NRXN3: variants seen among roughly 807,000 people sequenced by gnomAD.
NRXN3 encodes neurexin III.
NRXN3 carries 32 observed loss-of-function variants against 137.6 expected under a neutral mutation model. The observed-to-expected ratio is 0.23, with a 90% CI of 0.18 to 0.31. The LOEUF (loss-of-function observed/expected upper bound fraction) is 0.31. NRXN3 is among the 10% of genes least tolerant of loss of function. NRXN3 has a pLI of 1.00. For missense variants in NRXN3, 1,574 were observed against 2,062.5 expected (o/e 0.76, Z 4.59); for synonymous variants, 798 against 784.5 (o/e 1.02, Z -0.29).
chr14:78,507,882 T>A (rs10483905), intron 4 of NRXN3, among the ~76,000 whole-genome samples: 7 of 152,014 alleles, frequency 4.6e-5, no homozygotes, highest in African/African-American at 1.7e-4. Flanking sequence ...TGCCTATCAC[T>A]GGCTTTTGAA....
At chr14:78,236,086 A>G (rs993429361) in intron 1 of NRXN3, among the ~76,000 whole-genome samples, 2 of 152,238 alleles carry the variant, frequency 1.3e-5, no homozygotes, top group African/African-American at 4.8e-5. Flanking sequence ...ATAGATTAAC[A>G]TATATATGTA....
At chr14:79,552,107 T>C (rs2097378865) in intron 16 of NRXN3, among the ~76,000 whole-genome samples, 1 of 152,198 alleles carries the variant, frequency 6.6e-6, no homozygotes, top group Non-Finnish European at 1.5e-5. Flanking sequence ...AGTGCATGTA[T>C]TTACAAATAC....
At chr14:78,722,581 T>C (rs926015581) in intron 8 of NRXN3, among the ~76,000 whole-genome samples, 1 of 152,130 alleles carries the variant, frequency 6.6e-6, no homozygotes, top group African/African-American at 2.4e-5. Context: ...ACCTACTATT[T>C]ATTGAAAAAA....
chr14:79,333,048 AG>A (rs2091908067), intron 15 of NRXN3, among the ~76,000 whole-genome samples: 1 of 151,994 alleles, frequency 6.6e-6, no homozygotes, highest in South Asian at 2.1e-4. Context: ...CTGTGTGCAA[AG>A]CTCCAATCCC....
chr14:79,353,228 G>T (rs1386938350), intron 15 of NRXN3, among the ~76,000 whole-genome samples: 2 of 151,666 alleles, frequency 1.3e-5, no homozygotes, highest in Non-Finnish European at 2.9e-5. Flanking sequence ...AGCAGGTTAA[G>T]CACTTTTGAT....
intron 14 of NRXN3, among the ~76,000 whole-genome samples, chr14:78,968,676 G>T (rs1319244524): frequency 1.3e-5 from 2 of 152,196 alleles, no homozygotes; most frequent in Non-Finnish European, 2.9e-5. Flanking sequence ...AACAGCACTG[G>T]AGACTTTTAT....
intron 16 of NRXN3, among the ~76,000 whole-genome samples, chr14:79,539,351 C>T (rs138226809): frequency 1.3e-5 from 2 of 152,126 alleles, no homozygotes; most frequent in Non-Finnish European, 1.5e-5. Flanking sequence ...AGCATTCTTG[C>T]TCCAGAATTC....
intron 15 of NRXN3, among the ~76,000 whole-genome samples, chr14:79,265,488 A>G (rs557558592): frequency 1.3e-5 from 2 of 152,142 alleles, no homozygotes; most frequent in African/African-American, 4.8e-5. Context: ...GAAGATTTAC[A>G]TATTGCTGGA....
chr14:79,485,178 A>G (rs1046312504), intron 16 of NRXN3, among the ~76,000 whole-genome samples: 1 of 152,104 alleles, frequency 6.6e-6, no homozygotes, highest in Non-Finnish European at 1.5e-5. Flanking sequence ...TCAGAGATGC[A>G]TTTAAGAGCT....
rs527831462 is a variant in NRXN3 at position 79,804,342 on chromosome 14, AG to A, written c.4015-769del. ...CTACTGTATGGAGGGCTCTTCTCAC[AG>A]CTGATACTCAGTCTCCTATATTTCT... is the stretch of plus-strand genomic sequence containing the variant. On this transcript the variant is annotated intron_variant, in intron 19 of 20. Transcript: ENST00000335750. Among the ~76,000 whole-genome samples the A allele has an allele frequency of 6.6e-5, 10 of 152,248 alleles. No individual in the cohort carries two copies. The South Asian group carries it at 2.1e-3, about 32-fold the overall frequency.
At chr14:79,109,850 C>T (rs184595537) in intron 15 of NRXN3, among the ~76,000 whole-genome samples, 75 of 152,164 alleles carry the variant, frequency 4.9e-4, no homozygotes, top group African/African-American at 1.7e-3. Context: ...CCAGTACCTA[C>T]AATAAAGCAC....
intron 15 of NRXN3, among the ~76,000 whole-genome samples, chr14:79,269,531 C>T (rs533269939): frequency 3.3e-5 from 5 of 152,006 alleles, no homozygotes; most frequent in Non-Finnish European, 5.9e-5. Context: ...TTTTTCTTAC[C>T]GGCGACTGAG....
intron 19 of NRXN3, among the ~76,000 whole-genome samples, chr14:79,710,623 TATGAGGGC>T (rs1402634119): frequency 7.2e-5 from 11 of 152,244 alleles, no homozygotes; most frequent in Admixed American, 3.3e-4. Context: ...CAGTCCAGTT[TATGAGGGC>T]ATGAGATATA....
Position 78,953,308 on chromosome 14 carries a change from C to T in NRXN3, c.2276-3934C>T, listed in dbSNP as rs566001609. Among the ~76,000 whole-genome samples, 26 of 152,224 alleles carry T rather than the reference C, an allele frequency of 1.7e-4. No individual in the cohort carries two copies. The South Asian group carries it at 5.4e-3, about 32-fold the overall frequency. On this transcript the variant is annotated intron_variant, in intron 10 of 20. Transcript: ENST00000335750. ...ATTTCCTAATATTGCTGTTTGATTT[C>T]ATTATTGGTTCTGGCTTCTTAAAGA...
rs1171776817 is a variant in NRXN3, at chr14:79,539,911, C to T, written c.3444+72509C>T. On this transcript the variant is annotated intron_variant, in intron 16 of 20. Coordinates refer to ENST00000335750, the MANE Select transcript of NRXN3 (RefSeq NM_001330195.2). Reference sequence around the variant, plus strand: ...CCTGAGATCCAGGTATTCCTCTTTACCTCGTCGTCTTGCTATTTTTTCTAG... The same window carrying T: ...CCTGAGATCCAGGTATTCCTCTTTATCTCGTCGTCTTGCTATTTTTTCTAG... 2.0e-5 allele frequency among the ~76,000 whole-genome samples: 3 copies of T among 152,086 alleles called. No homozygotes were observed. The East Asian group carries it at 5.8e-4, about 29-fold the overall frequency.
At position 79,853,872 on chromosome 14, in the gene NRXN3, GT is replaced by G. The variant is rs912630645; in HGVS notation, c.4094-7463del. Reference sequence around the variant, plus strand: ...AAAGGCAAATTATAAAAGTAAACAGGTTTTTTTGTTTGGTTTTTCAATCATA... The same window carrying G: ...AAAGGCAAATTATAAAAGTAAACAGGTTTTTTGTTTGGTTTTTCAATCATA... On this transcript the variant is annotated intron_variant, in intron 20 of 20. Coordinates refer to ENST00000335750, the MANE Select transcript of NRXN3 (RefSeq NM_001330195.2). 73 of 986,554 alleles carry G rather than the reference GT, an allele frequency of 7.4e-5. No homozygotes were observed. In the African/African-American group the frequency reaches 1.2e-3, roughly 17 times the overall value. The allele number at this position is 986,554 out of a possible 1,614,324, so 61.1% of individuals were successfully genotyped here.
intron 15 of NRXN3, among the ~76,000 whole-genome samples, chr14:79,007,606 C>G (rs1054249265): frequency 6.6e-6 from 1 of 151,642 alleles, no homozygotes; most frequent in Admixed American, 6.6e-5. Flanking sequence ...GAGATCGAGA[C>G]CATCCTGGCT....
intron 10 of NRXN3, among the ~76,000 whole-genome samples, chr14:78,825,907 A>C (rs74065226): frequency 0.03 from 4,625 of 152,320 alleles, 89 homozygotes; most frequent in East Asian, 0.061. Flanking sequence ...CCAAAGTCAC[A>C]GGGATTGACT....
intron 4 of NRXN3, among the ~76,000 whole-genome samples, chr14:78,435,789 T>C (rs2153691744): frequency 6.6e-6 from 1 of 152,352 alleles, no homozygotes; most frequent in African/African-American, 2.4e-5. Context: ...GGATTTGTGA[T>C]GGACACAGTG....
Sources: gnomAD v4.1 joint callset for allele counts (sites outside exome capture counted in the v4.1 genomes callset) on GRCh38, gnomAD v4.1.1 for gene constraint, MANE v1.5 for transcripts, NCBI Gene and HGNC (gene_info 2026-07-23, HGNC 2026-07-21) for gene names.